MYT1L: variants seen among roughly 807,000 people sequenced by gnomAD.
MYT1L encodes the protein myelin transcription factor 1-like protein.
A neutral mutation model predicts 126.7 loss-of-function variants in MYT1L; 12 were observed. The observed-to-expected ratio is 0.09, with a 90% confidence interval of 0.06 to 0.15. The LOEUF (loss-of-function observed/expected upper bound fraction) is 0.15. Among genes scored for constraint, MYT1L ranks in the 10% least tolerant of loss-of-function variants. The pLI is 1.00. For synonymous variants in MYT1L, 541 were observed against 604.2 expected, an observed-to-expected ratio of 0.90 and a Z score of 1.53; for missense variants, 979 against 1,585.2, an observed-to-expected ratio of 0.62 and a Z score of 6.49.
intron 2 of MYT1L, among the ~76,000 whole-genome samples, chr2:2,202,294 A>C (rs1369385505): frequency 6.6e-6 from 1 of 152,222 alleles, no homozygotes; most frequent in African/African-American, 2.4e-5. Context: ...AAGGAAATAG[A>C]GACACAAAAA....
chr2:2,169,164 TTCTCCAG>T (rs1202352237), intron 3 of MYT1L, among the ~76,000 whole-genome samples: 1 of 152,218 alleles, frequency 6.6e-6, no homozygotes, highest in Non-Finnish European at 1.5e-5. Context: ...TTAGGATTTG[TTCTCCAG>T]TCTGACATCC....
intron 4 of MYT1L, among the ~76,000 whole-genome samples, chr2:2,000,059 A>T (rs1263639002): frequency 6.6e-6 from 1 of 152,226 alleles, no homozygotes; most frequent in Non-Finnish European, 1.5e-5. Flanking sequence ...CTTGCCTGAA[A>T]TCCGTCCACG....
At chr2:2,322,367 C>T (rs559689379) in intron 1 of MYT1L, among the ~76,000 whole-genome samples, 1 of 152,058 alleles carries the variant, frequency 6.6e-6, no homozygotes, top group Non-Finnish European at 1.5e-5. Flanking sequence ...CCATGAAAGG[C>T]TGCTTTTCTT....
In MYT1L at chr2:1,887,800, C is replaced by G. The variant is rs1272119711; in HGVS notation, c.2521-191G>C. 6.6e-6 allele frequency among the ~76,000 whole-genome samples: 1 copy of G among 152,202 alleles called. No individual in the cohort carries two copies. Reference sequence around the variant, plus strand: ...AACTTTTCTTCCACTGCTCTAAACTCCTAAAATGATGGTCACCTGTCAGTG... The same window carrying G: ...AACTTTTCTTCCACTGCTCTAAACTGCTAAAATGATGGTCACCTGTCAGTG... On this transcript the variant is annotated intron_variant, in intron 16 of 24. Coordinates refer to ENST00000647738, the MANE Select transcript of MYT1L (RefSeq NM_001303052.2). This position sits in a 1 kb window ranked among gnomAD's most constrained non-coding sequence, Gnocchi z 4.8.
intron 14 of MYT1L, among the ~76,000 whole-genome samples, chr2:1,900,500 C>T (rs181507482): frequency 1.5e-3 from 222 of 152,246 alleles, no homozygotes; most frequent in African/African-American, 4.7e-3. Context: ...GGGGTTTCAC[C>T]GTGTTAGCCA....
At chr2:1,845,030 G>A (rs12714321) in intron 19 of MYT1L, among the ~76,000 whole-genome samples, 66,155 of 150,452 alleles carry the variant, frequency 0.44, 15,419 homozygotes, top group East Asian at 0.67. Context: ...CCAGGCTGGA[G>A]TGCAGGGGCA....
intron 3 of MYT1L, among the ~76,000 whole-genome samples, chr2:2,163,739 GAA>G (rs767761122): frequency 1.7e-5 from 2 of 117,846 alleles, no homozygotes; most frequent in Non-Finnish European, 1.8e-5. Context: ...CTCCGTCTCA[GAA>G]AAAAAAAAAA....
Position 2,298,441 on chromosome 2 carries a change from A to G in MYT1L, c.-520-13938T>C, listed in dbSNP as rs916185852. 5.8e-4 allele frequency among the ~76,000 whole-genome samples: 88 copies of G among 152,234 alleles called. 1 individual carries two copies. The highest frequency in any genetic ancestry group is 2.1e-3 in the African/African-American group (85 of 41,460). On this transcript the variant is annotated intron_variant, in intron 1 of 24. Transcript: ENST00000647738. Reference sequence around the variant, plus strand: ...CCAGCAGGAGGAATGTTTTAGTTTAACACATGGCTTTACAATAATAATCTA... The same window carrying G: ...CCAGCAGGAGGAATGTTTTAGTTTAGCACATGGCTTTACAATAATAATCTA...
In MYT1L at chr2:2,002,154, A is replaced by G. The variant is rs1574389324; in HGVS notation, c.-157-4807T>C. Among the ~76,000 whole-genome samples, 4 of 152,288 alleles carry G rather than the reference A, an allele frequency of 2.6e-5. 1 individual carries two copies. The highest frequency in any genetic ancestry group is 2.6e-4 in the Admixed American group (4 of 15,298). On this transcript the variant is annotated intron_variant, in intron 4 of 24. Transcript: ENST00000647738. The stretch of plus-strand genomic sequence containing the variant: ...ATTAGTACTGCCTCCTCAGACTGGT[A>G]TCACAACTCACAAATGAATTGTGGC...
intron 2 of MYT1L, among the ~76,000 whole-genome samples, chr2:2,249,511 G>GA (rs35043544): frequency 7.3e-5 from 11 of 150,660 alleles, no homozygotes; most frequent in South Asian, 6.3e-4. Context: ...CACCAAAATA[G>GA]AAAAAAAAAT....
chr2:1,827,746 T>C (rs1471275463), intron 21 of MYT1L: 1 of 152,140 alleles, frequency 6.6e-6, no homozygotes, highest in Non-Finnish European at 1.5e-5. Context: ...TCCTTGTCCA[T>C]GACAGGGAGA....
Position 2,217,685 on chromosome 2 carries a change from C to CAAAAAAAAAAAAAA in MYT1L, c.-420-44698_-420-44697insTTTTTTTTTTTTTT, listed in dbSNP as rs1167910803. Among the ~76,000 whole-genome samples the CAAAAAAAAAAAAAA allele has an allele frequency of 8.8e-5, 7 of 79,658 alleles. 1 individual carries two copies. Among genetic ancestry groups the CAAAAAAAAAAAAAA allele is most frequent in the East Asian group, 2.7e-4 (1 of 3,652 alleles). The allele number at this position is 79,658 out of a possible 152,430, so 52.3% of individuals were successfully genotyped here. ...AACTCCATCTCAACAACAACAACAA[C>CAAAAAAAAAAAAAA]AACAACAACAACAACAACAACAAAA... is the stretch of plus-strand genomic sequence containing the variant. On this transcript the variant is annotated intron_variant, in intron 2 of 24. Coordinates refer to ENST00000647738, the MANE Select transcript of MYT1L (RefSeq NM_001303052.2).
chr2:2,154,145 C>A (rs1385581988), intron 3 of MYT1L, among the ~76,000 whole-genome samples: 1 of 152,188 alleles, frequency 6.6e-6, no homozygotes. Context: ...CGTCCCTGTT[C>A]TCTACTCCTG....
At chr2:2,176,115 G>A (rs1373001987) in intron 2 of MYT1L, among the ~76,000 whole-genome samples, 1 of 152,182 alleles carries the variant, frequency 6.6e-6, no homozygotes, top group East Asian at 1.9e-4. Context: ...TTGGAGATGA[G>A]ATTTAGGATA....
At chr2:2,119,853 G>A (rs2080746351) in intron 3 of MYT1L, among the ~76,000 whole-genome samples, 1 of 152,122 alleles carries the variant, frequency 6.6e-6, no homozygotes, top group Non-Finnish European at 1.5e-5. Flanking sequence ...ACTGTAAAGT[G>A]AAAGTATTTT....
chr2:2,204,357 A>C (rs1048833912), intron 2 of MYT1L, among the ~76,000 whole-genome samples: 2 of 151,322 alleles, frequency 1.3e-5, no homozygotes, highest in South Asian at 2.1e-4. Flanking sequence ...TTTGCAACCT[A>C]CTCATCTGAC....
chr2:2,272,056 A>T (rs1430991577), intron 2 of MYT1L, among the ~76,000 whole-genome samples: 3 of 152,204 alleles, frequency 2.0e-5, no homozygotes, highest in Non-Finnish European at 4.4e-5. Context: ...CCCACCCAGC[A>T]ATCCCACCAG....
intron 18 of MYT1L, among the ~76,000 whole-genome samples, chr2:1,880,154 G>A (rs547585039): frequency 2.0e-4 from 30 of 152,224 alleles, no homozygotes; most frequent in East Asian, 1.4e-3. Flanking sequence ...GATGGCTTAA[G>A]GCAAACAGAT....
chr2:2,118,959 C>T lies in MYT1L; in HGVS notation c.-304+53913G>A, dbSNP rs560056873. On this transcript the variant is annotated intron_variant, in intron 3 of 24. Coordinates refer to ENST00000647738, the MANE Select transcript of MYT1L (RefSeq NM_001303052.2). Reference sequence around the variant, plus strand: ...TAAGAGCTCTCTGTATAAATGACAGCGTGCGCCAGGGCGCATGGTTGCTTC... The same window carrying T: ...TAAGAGCTCTCTGTATAAATGACAGTGTGCGCCAGGGCGCATGGTTGCTTC... Among the ~76,000 whole-genome samples the T allele has an allele frequency of 6.0e-4, 92 of 152,366 alleles. No individual in the cohort carries two copies. The South Asian group carries it at 0.012, about 19-fold the overall frequency.
Sources: allele counts gnomAD v4.1 joint callset (sites outside exome capture counted in the v4.1 genomes callset), GRCh38; gene constraint gnomAD v4.1.1; non-coding constraint Gnocchi (gnomAD v3.1); transcripts MANE v1.5; gene names NCBI Gene and HGNC (gene_info 2026-07-23, HGNC 2026-07-21).